SLC50A1: variants seen among roughly 807,000 people sequenced by gnomAD.
SLC50A1 encodes sugar transporter SWEET1.
Under a neutral mutation model 28.9 loss-of-function variants are expected in SLC50A1, and 22 were observed. The observed-to-expected ratio is 0.76, with a 90% CI of 0.54 to 1.09. SLC50A1 has a LOEUF of 1.09. SLC50A1 is among the 50% of genes least tolerant of loss of function. The probability of loss-of-function intolerance (pLI) is 0.00; values close to 1 mark genes in which losing one functional copy is unlikely to be tolerated. For synonymous variants in SLC50A1, 96 were observed against 110.6 expected, an observed-to-expected ratio of 0.87 and a Z score of 0.83; for missense variants, 233 against 273.4, an observed-to-expected ratio of 0.85 and a Z score of 1.04.
rs542731546 is a variant in SLC50A1, at chr1:155,138,816, T to C, written c.*535T>C. ...TATGAATATGCCTTATATGCTGATA[T>C]GAATATGCCTTAAAATAAAGTGTTC... is the stretch of plus-strand genomic sequence containing the variant. On this transcript the variant is annotated 3_prime_UTR_variant, in exon 6 of 6. Transcript: ENST00000368404. 4 of 159,824 alleles carry C rather than the reference T, an allele frequency of 2.5e-5. No homozygotes were observed. In the South Asian group the frequency reaches 5.0e-4, roughly 20 times the overall value. The allele number at this position is 159,824 out of a possible 1,614,324, so 9.9% of individuals were successfully genotyped here. A position where few individuals can be genotyped will look rare whatever the true frequency, so the allele number is the denominator to read the frequency against.
chr1:155,135,432 A>G, upstream of SLC50A1: 1 of 685,360 alleles, frequency 1.5e-6, no homozygotes, highest in South Asian at 2.1e-5. Flanking sequence ...CCAGAAAAAA[A>G]CTTCCCAAAC....
upstream of SLC50A1, chr1:155,135,435 TC>T: frequency 1.4e-6 from 1 of 713,486 alleles, no homozygotes; most frequent in Non-Finnish European, 2.2e-6. Context: ...GAAAAAAACT[TC>T]CCAAACCCTG....
intron 4 of SLC50A1, 120 bp downstream of exon 4, chr1:155,137,842 A>G (rs1664580275): frequency 6.3e-7 from 1 of 1,578,676 alleles, no homozygotes; most frequent in African/African-American, 1.3e-5. Context: ...AAGGCAGTAG[A>G]AGTGGGCGAG....
chr1:155,136,409 G>A (rs567617462), intron 2 of SLC50A1, 33 bp downstream of exon 2: 85 of 1,595,886 alleles, frequency 5.3e-5, no homozygotes, highest in Non-Finnish European at 7.0e-5. Context: ...AGTGGGAAAG[G>A]CTACCAGAGG....
chr1:155,137,344 A>G (rs943113111), intron 3 of SLC50A1, among the ~76,000 whole-genome samples: 1 of 152,236 alleles, frequency 6.6e-6, no homozygotes, highest in South Asian at 2.1e-4. Flanking sequence ...GCACACAGAA[A>G]AAAACACATA....
chr1:155,137,831 C>CG (rs1664579590), intron 4 of SLC50A1, 109 bp downstream of exon 4: 5 of 1,578,246 alleles, frequency 3.2e-6, no homozygotes, highest in Non-Finnish European at 4.3e-6. Flanking sequence ...TGGAAGAAGA[C>CG]AAGGCAGTAG....
Position 155,137,892 on chromosome 1 carries a change from G to A in SLC50A1, c.445-87G>A, listed in dbSNP as rs1442745363. On this transcript the variant is annotated intron_variant, in intron 4 of 5. Coordinates refer to ENST00000368404, the MANE Select transcript of SLC50A1 (RefSeq NM_018845.4). Reference sequence around the variant, plus strand: ...GGTTGGGTGACAGATCAGGGAGGGTGTCTGACCTTTTTCTTGAGGAAATTC... The same window carrying A: ...GGTTGGGTGACAGATCAGGGAGGGTATCTGACCTTTTTCTTGAGGAAATTC... 9 of 1,606,154 alleles carry A rather than the reference G, an allele frequency of 5.6e-6. No individual in the cohort carries two copies. In the African/African-American group the frequency reaches 8.0e-5, roughly 14 times the overall value.
chr1:155,137,454 A>C, intron 3 of SLC50A1, 107 bp from the exon 4 acceptor site: 1 of 1,409,822 alleles, frequency 7.1e-7, no homozygotes, highest in Non-Finnish European at 9.8e-7. Flanking sequence ...CTGGAGGCCT[A>C]GACAGCTTGG....
At position 155,137,979 on chromosome 1, in the gene SLC50A1, G is replaced by C. The variant is rs765315023; in HGVS notation, c.445G>C (p.Ala149Pro). 6.2e-7 allele frequency: 1 copy of C among 1,613,978 alleles called. No individual in the cohort carries two copies. The highest frequency in any genetic ancestry group is 1.3e-5 in the African/African-American group (1 of 74,866). The part of the protein sequence containing the change: ...SMYLSPLADL[A>P]KVIQTKSTQC... ...GAGAGTCTTCCATTCTTTCCCACAG[G>C]CTAAGGTGATTCAAACTAAATCAAC... The change falls in exon 5 of 6, where the codon GCT becomes CCT. Residue 149 changes from alanine (A) to proline (P), a missense_variant and splice_region_variant. Transcript: ENST00000368404.
At chr1:155,138,129 T>A in intron 5 of SLC50A1, 31 bp downstream of exon 5, 1 of 1,614,128 alleles carries the variant, frequency 6.2e-7, no homozygotes, top group Non-Finnish European at 8.5e-7. Context: ...GTGACAGGGG[T>A]GCAAGATGGA....
chr1:155,135,813 G>T, upstream of SLC50A1: 1 of 1,571,476 alleles, frequency 6.4e-7, no homozygotes, highest in South Asian at 1.1e-5. Flanking sequence ...AGCCGAGTGC[G>T]CGGGGCGGGG....
At chr1:155,136,703 A>G (rs1035890464) in intron 2 of SLC50A1, 125 bp from the exon 3 acceptor site, 1 of 1,349,022 alleles carries the variant, frequency 7.4e-7, no homozygotes. Context: ...AGATCGTGCC[A>G]CCGCACTCCA....
In SLC50A1 at chr1:155,136,283, C is replaced by CG. The variant is rs766278729; in HGVS notation, c.81-12dup. 6.4e-7 allele frequency: 1 copy of CG among 1,569,514 alleles called. No individual in the cohort carries two copies. The highest frequency in any genetic ancestry group is 1.7e-5 in the Admixed American group (1 of 57,266). ...CCCTTCCCACCCCCACCCCTCCCTT[C>CG]GGGGCCCCATTACAGCTCGGACCTC... On this transcript the variant is annotated splice_polypyrimidine_tract_variant and intron_variant, in intron 1 of 5. Transcript: ENST00000368404.
rs1387301213 is a variant in SLC50A1 at position 155,137,662 on chromosome 1, G to A, written c.384G>A (p.Gln128=). 1.2e-6 allele frequency: 2 copies of A among 1,614,184 alleles called. No individual in the cohort carries two copies. Residue 128 remains glutamine, a synonymous_variant, in exon 4 of 6, where the codon CAG becomes CAA. Transcript: ENST00000368404. ...CCAACCCTGAGGCCCGGCTTCAGCA[G>A]TTGGGCCTCTTCTGCAGTGTCTTCA... ...LVPNPEARLQ[Q]LGLFCSVFTI...
chr1:155,135,872 T>A lies in SLC50A1; in HGVS notation c.-40T>A. 1 of 1,589,936 alleles carries A rather than the reference T, an allele frequency of 6.3e-7. No individual in the cohort carries two copies. The highest frequency in any genetic ancestry group is 8.5e-7 in the Non-Finnish European group (1 of 1,170,972). On this transcript the variant is annotated 5_prime_UTR_variant, in exon 1 of 6. Transcript: ENST00000368404. ...GCAGTAGGTCCCGGCAACCGCAGGC[T>A]CGCGGCGGGCGCTGGGCGCGGGATC...
rs748507228 is a variant in SLC50A1 at position 155,137,722 on chromosome 1, G to A, written c.444G>A (p.Leu148=). The A allele has an allele frequency of 6.2e-6, 10 of 1,614,064 alleles. No homozygotes were observed. Among genetic ancestry groups the A allele is most frequent in the Non-Finnish European group, 7.6e-6 (9 of 1,179,980 alleles). ...TGTACCTCTCACCACTGGCTGACTTGGTGAGTGGGGGTGTCCAAGGAGGTA... is the reference window on the plus strand; with the variant it reads ...TGTACCTCTCACCACTGGCTGACTTAGTGAGTGGGGGTGTCCAAGGAGGTA... ...ISMYLSPLAD[L]AKVIQTKSTQ... Residue 148 remains leucine, a splice_region_variant and synonymous_variant, in exon 4 of 6, where the codon TTG becomes TTA. Transcript: ENST00000368404.
intron 2 of SLC50A1, 41 bp downstream of exon 2, chr1:155,136,417 A>G: frequency 7.2e-7 from 1 of 1,382,656 alleles, no homozygotes; most frequent in Non-Finnish European, 1.0e-6. Context: ...AGGCTACCAG[A>G]GGGAGGTGGG....
chr1:155,135,849 A>C, upstream of SLC50A1: 1 of 1,607,956 alleles, frequency 6.2e-7, no homozygotes, highest in Non-Finnish European at 8.5e-7. Flanking sequence ...TCTGGGCTGC[A>C]GTAGGTCCCG....
rs1383012489 is a variant in SLC50A1, at chr1:155,136,281, T to C, written c.81-18T>C. ...CTCCCTTCCCACCCCCACCCCTCCC[T>C]TCGGGGCCCCATTACAGCTCGGACC... On this transcript the variant is annotated intron_variant, in intron 1 of 5. Transcript: ENST00000368404. The C allele has an allele frequency of 1.2e-4, 128 of 1,075,500 alleles. No individual in the cohort carries two copies. Among genetic ancestry groups the C allele is most frequent in the Middle Eastern group, 2.0e-4 (1 of 4,944 alleles). The allele number at this position is 1,075,500 out of a possible 1,614,324, so 66.6% of individuals were successfully genotyped here.
Sources: allele counts gnomAD v4.1 joint callset (sites outside exome capture counted in the v4.1 genomes callset), GRCh38; gene constraint gnomAD v4.1.1; transcripts MANE v1.5; gene names NCBI Gene and HGNC (gene_info 2026-07-23, HGNC 2026-07-21).